GNAQ: variants seen among roughly 807,000 people sequenced by gnomAD.
GNAQ encodes the protein guanine nucleotide-binding protein G(q) subunit alpha.
A neutral mutation model predicts 43.9 loss-of-function variants in GNAQ; 8 were observed. The ratio of observed to expected loss-of-function variants is 0.18; its 90% confidence interval spans 0.11 to 0.33. GNAQ has a LOEUF of 0.33. Among genes scored for constraint, GNAQ ranks in the 10% least tolerant of loss-of-function variants. GNAQ has a pLI of 1.00. For synonymous variants in GNAQ, 155 were observed against 170.7 expected (o/e 0.91, Z 0.71); for missense variants, 158 against 450.8 (o/e 0.35, Z 5.88).
chr9:77,783,031 G>A (rs372081492), intron 5 of GNAQ, among the ~76,000 whole-genome samples: 13 of 152,196 alleles, frequency 8.5e-5, no homozygotes, highest in East Asian at 3.8e-4. Context: ...CATTTTTAGG[G>A]CAGTGAAACC....
chr9:77,838,385 C>T (rs568912703), intron 2 of GNAQ, among the ~76,000 whole-genome samples: 4 of 151,294 alleles, frequency 2.6e-5, no homozygotes, highest in Admixed American at 6.6e-5. Context: ...TCAGGTGATC[C>T]GCCCACCTTG....
chr9:77,804,914 G>C (rs894616975), intron 3 of GNAQ, among the ~76,000 whole-genome samples: 1 of 152,150 alleles, frequency 6.6e-6, no homozygotes, highest in Non-Finnish European at 1.5e-5. Context: ...CATTGTGAGA[G>C]GAACAGTCTT....
At chr9:77,829,088 T>C (rs1032941027) in intron 2 of GNAQ, among the ~76,000 whole-genome samples, 1 of 152,154 alleles carries the variant, frequency 6.6e-6, no homozygotes, top group Non-Finnish European at 1.5e-5. Context: ...GGGCCATTCA[T>C]GGAACTTGGG....
intron 1 of GNAQ, among the ~76,000 whole-genome samples, chr9:78,016,058 C>T (rs892056395): frequency 6.6e-6 from 1 of 151,984 alleles, no homozygotes; most frequent in African/African-American, 2.4e-5. Flanking sequence ...TATTCACACG[C>T]AAAGGATTAT....
intron 2 of GNAQ, among the ~76,000 whole-genome samples, chr9:77,852,115 G>A (rs763495744): frequency 8.5e-5 from 13 of 152,156 alleles, no homozygotes; most frequent in Non-Finnish European, 1.3e-4. Context: ...AGAGGAAAGA[G>A]CCCAAATTTC....
chr9:77,922,382 T>G (rs1829012105), intron 1 of GNAQ, 37 bp from the exon 2 acceptor site: 3 of 1,471,846 alleles, frequency 2.0e-6, no homozygotes, highest in Non-Finnish European at 1.9e-6. Flanking sequence ...CAGACCACAG[T>G]GCCATCTCAG....
intron 2 of GNAQ, among the ~76,000 whole-genome samples, chr9:77,919,615 C>T (rs1269246210): frequency 2.0e-5 from 3 of 151,924 alleles, no homozygotes; most frequent in African/African-American, 7.3e-5. Context: ...GAAAATGACG[C>T]TTTAGAACAT....
At chr9:77,775,658 A>G (rs1318986153) in intron 5 of GNAQ, among the ~76,000 whole-genome samples, 2 of 151,888 alleles carry the variant, frequency 1.3e-5, no homozygotes, top group Admixed American at 1.3e-4. Flanking sequence ...TCGGCCTCCC[A>G]AAGTGCTGGG....
chr9:77,942,352 A>G (rs1829327999), intron 1 of GNAQ, among the ~76,000 whole-genome samples: 1 of 152,204 alleles, frequency 6.6e-6, no homozygotes, highest in Admixed American at 6.5e-5. Context: ...GAATTTGAAT[A>G]TTATATAATG....
At chr9:77,741,203 T>C (rs1371646797) in intron 5 of GNAQ, among the ~76,000 whole-genome samples, 1 of 152,240 alleles carries the variant, frequency 6.6e-6, no homozygotes, top group Non-Finnish European at 1.5e-5. Flanking sequence ...AATACTCATA[T>C]GGCATGAGAA....
chr9:78,016,499 C>T (rs1323783585), intron 1 of GNAQ, among the ~76,000 whole-genome samples: 1 of 152,116 alleles, frequency 6.6e-6, no homozygotes, highest in Non-Finnish European at 1.5e-5. Context: ...TCCTGGCTAA[C>T]ACAGTGAAGC....
At chr9:77,870,578 G>A (rs1434541601) in intron 2 of GNAQ, among the ~76,000 whole-genome samples, 1 of 151,772 alleles carries the variant, frequency 6.6e-6, no homozygotes, top group Non-Finnish European at 1.5e-5. Context: ...CGCCCGCCTT[G>A]CCTCCCAAAG....
At chr9:77,944,703 A>C (rs116219984) in intron 1 of GNAQ, among the ~76,000 whole-genome samples, 1 of 152,236 alleles carries the variant, frequency 6.6e-6, no homozygotes, top group East Asian at 1.9e-4. Flanking sequence ...TAGCTTGCCC[A>C]GTGTGAAATT....
chr9:77,972,451 TC>T (rs1191426383), intron 1 of GNAQ, among the ~76,000 whole-genome samples: 1 of 151,936 alleles, frequency 6.6e-6, no homozygotes, highest in Non-Finnish European at 1.5e-5. Context: ...GCAAGTAACA[TC>T]GGTTCCATTT....
intron 1 of GNAQ, among the ~76,000 whole-genome samples, chr9:77,994,991 A>G (rs940093051): frequency 1.3e-5 from 2 of 152,216 alleles, no homozygotes; most frequent in Non-Finnish European, 2.9e-5. Flanking sequence ...TAGACTTTAC[A>G]AAGTGAGAAA....
rs564649489 is a variant in GNAQ, at chr9:77,854,220, A to C, written c.322-38450T>G. Among the ~76,000 whole-genome samples the C allele has an allele frequency of 3.9e-5, 6 of 152,276 alleles. No homozygotes were observed. The East Asian group carries it at 1.2e-3, about 29-fold the overall frequency. ...AAAAGCATTTTTAGCCCAGAGATGA[A>C]TGTGTTTAAAAGACTATTAAAGATA... On this transcript the variant is annotated intron_variant, in intron 2 of 6. Transcript: ENST00000286548.
intron 1 of GNAQ, among the ~76,000 whole-genome samples, chr9:78,022,720 G>C (rs1475880825): frequency 6.6e-6 from 1 of 152,148 alleles, no homozygotes; most frequent in African/African-American, 2.4e-5. Context: ...CAGGAAATGG[G>C]TCATCTCTCT....
intron 1 of GNAQ, among the ~76,000 whole-genome samples, chr9:77,995,765 C>G (rs1400096151): frequency 6.6e-6 from 1 of 152,098 alleles, no homozygotes; most frequent in Non-Finnish European, 1.5e-5. Context: ...ACAAGCATGA[C>G]CACACCTGAC....
At chr9:77,960,610 T>C (rs1304699633) in intron 1 of GNAQ, among the ~76,000 whole-genome samples, 1 of 152,148 alleles carries the variant, frequency 6.6e-6, no homozygotes, top group Non-Finnish European at 1.5e-5. Context: ...AGGAATTAGC[T>C]AGCCCAGAGA....
Sources: allele counts gnomAD v4.1 joint callset (sites outside exome capture counted in the v4.1 genomes callset), GRCh38; gene constraint gnomAD v4.1.1; transcripts MANE v1.5; gene names NCBI Gene and HGNC (gene_info 2026-07-23, HGNC 2026-07-21).